Variants in TNS2 observed in about 807,000 individuals in gnomAD.
The protein encoded by TNS2 is tensin-2.
A neutral mutation model predicts 155.7 loss-of-function variants in TNS2; 77 were observed. The ratio of observed to expected loss-of-function variants is 0.49; its 90% confidence interval spans 0.41 to 0.60. The LOEUF (loss-of-function observed/expected upper bound fraction) is 0.60. TNS2 is among the 20% of genes least tolerant of loss of function. The pLI is 0.00. For synonymous variants in TNS2, 726 were observed against 763.9 expected (o/e 0.95, Z 0.82); for missense variants, 1,703 against 1,868.8 (o/e 0.91, Z 1.64).
intron 25 of TNS2, 173 bp downstream of exon 25, chr12:53,062,870 C>A: frequency 1.0e-6 from 1 of 962,948 alleles, no homozygotes; most frequent in South Asian, 1.7e-5. Context: ...CCTAGGTTCT[C>A]AAAGTCTCAT....
upstream of TNS2, among the ~76,000 whole-genome samples, chr12:53,048,445 A>T (rs1202271245): frequency 2.0e-5 from 3 of 152,106 alleles, no homozygotes; most frequent in Non-Finnish European, 4.4e-5. Flanking sequence ...GACAGAAAAA[A>T]GCCACCCCCA....
chr12:53,056,802 G>C (rs1057143723), intron 10 of TNS2: 2 of 499,120 alleles, frequency 4.0e-6, no homozygotes, highest in Admixed American at 3.2e-5. Context: ...CTGTTTTACA[G>C]ATGAAAAAAC....
At chr12:53,054,158 A>C (rs1477067628) in intron 6 of TNS2, 112 bp from the exon 7 acceptor site, 3 of 1,541,814 alleles carry the variant, frequency 1.9e-6, no homozygotes, top group African/African-American at 2.9e-5. Context: ...CGATCCACCC[A>C]CCCTCAGGAC....
At chr12:53,053,510 C>A (rs1944019060) in intron 4 of TNS2, 61 bp downstream of exon 4, 2 of 1,603,304 alleles carry the variant, frequency 1.2e-6, no homozygotes, top group African/African-American at 2.7e-5. Flanking sequence ...GTCCAGAGGT[C>A]TGGTGGCTCC....
At chr12:53,057,174 C>A in intron 11 of TNS2, 78 bp downstream of exon 11, 1 of 1,452,074 alleles carries the variant, frequency 6.9e-7, no homozygotes, top group Non-Finnish European at 9.5e-7. Flanking sequence ...CTTATTCATG[C>A]AGCACACTTT....
rs1421912571 is a variant in TNS2, at chr12:53,060,826, G to A, written c.2920G>A (p.Val974Ile). Residue 974 changes from valine (V) to isoleucine (I), a missense_variant, in exon 20 of 29, where the codon GTC becomes ATC. Physicochemically the swap from Val to Ile is conservative, Grantham distance 29. Coordinates refer to ENST00000314250, the MANE Select transcript of TNS2 (RefSeq NM_170754.4). This position sits in a 1 kb window ranked among gnomAD's most constrained non-coding sequence, Gnocchi z 6.1. ...GCCTGAGCCTCTGGCCCCTAGCCCAGTCTCTCCGACCTTCCCTCCCAGCTC... is the reference window on the plus strand; with the variant it reads ...GCCTGAGCCTCTGGCCCCTAGCCCAATCTCTCCGACCTTCCCTCCCAGCTC... ...SGPEPLAPSP[V>I]SPTFPPSSPS... 19 of 1,608,682 alleles carry A rather than the reference G, an allele frequency of 1.2e-5. No individual in the cohort carries two copies. The highest frequency in any genetic ancestry group is 1.4e-5 in the Non-Finnish European group (17 of 1,176,510).
chr12:53,053,674 A>G, intron 4 of TNS2, 100 bp from the exon 5 acceptor site: 2 of 1,548,398 alleles, frequency 1.3e-6, no homozygotes, highest in Non-Finnish European at 1.7e-6. Flanking sequence ...ACAGCCTTCA[A>G]AAGGACACTG....
chr12:53,053,687 A>G, intron 4 of TNS2, 87 bp from the exon 5 acceptor site: 1 of 1,569,338 alleles, frequency 6.4e-7, no homozygotes, highest in Non-Finnish European at 8.6e-7. Context: ...GGACACTGAC[A>G]TTCCCTTCCC....
At chr12:53,053,374 C>T in intron 3 of TNS2, 37 bp from the exon 4 acceptor site, 1 of 1,613,658 alleles carries the variant, frequency 6.2e-7, no homozygotes, top group Non-Finnish European at 8.5e-7. Context: ...GAGAGCCCTT[C>T]ACCAGGAGCT....
At chr12:53,048,859 A>G, upstream of TNS2, 1 of 271,292 alleles carries the variant, frequency 3.7e-6, no homozygotes. Context: ...AAGCAAGTAG[A>G]AGGGACTCCG....
chr12:53,052,050 A>C, intron 2 of TNS2, 87 bp downstream of exon 2: 732 of 1,086,508 alleles, frequency 6.7e-4, no homozygotes, highest in Non-Finnish European at 8.9e-4. Flanking sequence ...ACACAATCTC[A>C]AATGTAATAT....
chr12:53,048,165 C>T (rs1209368671), upstream of TNS2, among the ~76,000 whole-genome samples: 1 of 152,178 alleles, frequency 6.6e-6, no homozygotes, highest in African/African-American at 2.4e-5. Flanking sequence ...GATCCCATCC[C>T]TGCTTCCCTT....
chr12:53,063,834 C>A lies in TNS2; in HGVS notation c.4182C>A (p.Gly1394=). The A allele has an allele frequency of 1.9e-6, 3 of 1,614,076 alleles. No homozygotes were observed. Among genetic ancestry groups the A allele is most frequent in the South Asian group, 1.1e-5 (1 of 91,076 alleles). Residue 1394 remains glycine (G), a synonymous_variant, in exon 29 of 29, where the codon GGC becomes GGA. Coordinates refer to ENST00000314250, the MANE Select transcript of TNS2 (RefSeq NM_170754.4). The surrounding 1 kb of genome is among the most constrained non-coding windows in gnomAD (Gnocchi z 5.6). The stretch of plus-strand genomic sequence containing the variant: ...AGCTTGACCCAGATCAGCCTGCTGG[C>A]GCCATTGTCACCTTCATCACCAAAG... ...FAELDPDQPA[G]AIVTFITKVL... is the part of the protein sequence containing the mutation.
In TNS2 at chr12:53,057,671, C is replaced by G. The variant is rs1188088588; in HGVS notation, c.950C>G (p.Pro317Arg). The change falls in exon 12 of 29, where the codon CCT becomes CGT. Residue 317 changes from proline (P) to arginine (R), a missense_variant. Transcript: ENST00000314250. ...VLIPMLPAFEPGTGFQPFLKI... is the reference protein window; with the variant it reads ...VLIPMLPAFERGTGFQPFLKI... ...ATCCCCATGCTGCCAGCCTTTGAAC[C>G]TGGCACAGGTGAGTCTGCCTGAGAT... is the stretch of plus-strand genomic sequence containing the variant. The G allele has an allele frequency of 6.2e-7, 1 of 1,614,158 alleles. No individual in the cohort carries two copies. The highest frequency in any genetic ancestry group is 2.2e-5 in the East Asian group (1 of 44,890).
intron 10 of TNS2, among the ~76,000 whole-genome samples, chr12:53,056,569 CCT>C (rs1241011549): frequency 6.6e-6 from 1 of 152,134 alleles, no homozygotes; most frequent in East Asian, 1.9e-4. Context: ...GTAATCGCTG[CCT>C]CTGTCATCAC....
In TNS2 at chr12:53,063,404, C is replaced by G; in HGVS notation, c.4048C>G (p.Pro1350Ala). 1.2e-6 allele frequency: 2 copies of G among 1,614,056 alleles called. No homozygotes were observed. Among genetic ancestry groups the G allele is most frequent in the Non-Finnish European group, 1.7e-6 (2 of 1,180,004 alleles). ...VNSITFSSTD[P>A]QDRRWTNPDG... The stretch of plus-strand genomic sequence containing the variant: ...CAGCATCACCTTCTCCAGCACTGAC[C>G]CTCAAGACCGGAGGTGACTCTCCCT... The change falls in exon 27 of 29, where the codon CCT (proline) becomes GCT (alanine). Residue 1350 changes from proline (P) to alanine (A), a missense_variant. Transcript: ENST00000314250. This position sits in a 1 kb window ranked among gnomAD's most constrained non-coding sequence, Gnocchi z 5.6.
At position 53,060,863 on chromosome 12, in the gene TNS2, G is replaced by A; in HGVS notation, c.2957G>A (p.Trp986Ter). Residue 986 changes from tryptophan (W) to a stop codon, truncating the protein, a stop_gained, in exon 20 of 29, where the codon TGG becomes TAG. Coordinates refer to ENST00000314250, the MANE Select transcript of TNS2 (RefSeq NM_170754.4). LOFTEE classifies it high-confidence loss of function. This position sits in a 1 kb window ranked among gnomAD's most constrained non-coding sequence, Gnocchi z 6.1. ...TTCCCTCCCAGCTCGCCCAGTGACT[G>A]GCCTCAGGAAAGGAGTCCAGGGGGC... ...PTFPPSSPSD[W>*]PQERSPGGHS... The A allele has an allele frequency of 6.3e-7, 1 of 1,595,708 alleles. No homozygotes were observed. Among genetic ancestry groups the A allele is most frequent in the Non-Finnish European group, 8.6e-7 (1 of 1,168,180 alleles).
intron 2 of TNS2, 50 bp downstream of exon 2, chr12:53,052,013 T>C (rs1943953122): frequency 6.9e-7 from 1 of 1,440,356 alleles, no homozygotes; most frequent in East Asian, 2.3e-5. Flanking sequence ...AGTACCACTG[T>C]GTTGCACAAC....
At position 53,050,093 on chromosome 12, in the gene TNS2, C is replaced by A. The variant is rs1943870996; in HGVS notation, c.-93C>A. 6.5e-7 allele frequency: 1 copy of A among 1,548,704 alleles called. No homozygotes were observed. Among genetic ancestry groups the A allele is most frequent in the African/African-American group, 1.4e-5 (1 of 72,936 alleles). ...CAGCCTACCCTCCGCCCAGGGGAAG[C>A]GGCTGCCTCCGCCAGGCCGCTTCCA... On this transcript the variant is annotated 5_prime_UTR_variant, in exon 1 of 29. Coordinates refer to ENST00000314250, the MANE Select transcript of TNS2 (RefSeq NM_170754.4). This position sits in a 1 kb window ranked among gnomAD's most constrained non-coding sequence, Gnocchi z 4.7.
Sources: gnomAD v4.1 joint callset for allele counts (sites outside exome capture counted in the v4.1 genomes callset) on GRCh38, gnomAD v4.1.1 for gene constraint, Gnocchi (gnomAD v3.1) non-coding constraint, MANE v1.5 for transcripts, NCBI Gene and HGNC (gene_info 2026-07-23, HGNC 2026-07-21) for gene names.